The following MLLT10 variants were observed in gnomAD, a reference collection of about 807,000 sequenced individuals.
MLLT10 encodes MLLT10 histone lysine methyltransferase DOT1L cofactor.
In MLLT10, 30 loss-of-function variants were observed where a neutral mutation model predicts 129.1. The observed-to-expected ratio is 0.23, with a 90% CI of 0.17 to 0.32. The LOEUF (loss-of-function observed/expected upper bound fraction) is 0.32. MLLT10 is among the 10% of genes least tolerant of loss of function. MLLT10 has a pLI of 1.00. For synonymous variants in MLLT10, 490 were observed against 446.4 expected, an observed-to-expected ratio of 1.10 and a Z score of -1.23; for missense variants, 1,119 against 1,268.3, an observed-to-expected ratio of 0.88 and a Z score of 1.79.
chr10:21,561,436 T>A (rs1332444969), intron 3 of MLLT10, among the ~76,000 whole-genome samples: 2 of 152,124 alleles, frequency 1.3e-5, no homozygotes, highest in Non-Finnish European at 2.9e-5. Context: ...AATTTTTGTA[T>A]TTTTAGTAGA....
At position 21,642,213 on chromosome 10, in the gene MLLT10, C is replaced by T. The variant is rs535070471; in HGVS notation, c.700-9460C>T. 7.2e-5 allele frequency among the ~76,000 whole-genome samples: 11 copies of T among 151,804 alleles called. No individual in the cohort carries two copies. The East Asian group carries it at 1.9e-3, about 27-fold the overall frequency. On this transcript the variant is annotated intron_variant, in intron 8 of 22. Transcript: ENST00000307729. ...GAAAAATAACAAAAAATTAGCCAGA[C>T]GTGGTGGCGGACGCCTGTAATCCCA...
At chr10:21,689,614 T>C (rs1389893451) in intron 13 of MLLT10, among the ~76,000 whole-genome samples, 62 of 141,116 alleles carry the variant, frequency 4.4e-4, no homozygotes, top group African/African-American at 1.6e-3. Context: ...TATATATATA[T>C]ATATACACAC....
At chr10:21,638,286 A>G (rs914104300) in intron 8 of MLLT10, among the ~76,000 whole-genome samples, 1 of 150,794 alleles carries the variant, frequency 6.6e-6, no homozygotes, top group Non-Finnish European at 1.5e-5. Context: ...GCACTAAGGA[A>G]TATTTTAAAG....
chr10:21,704,982 A>G (rs2055355307), intron 13 of MLLT10, among the ~76,000 whole-genome samples: 1 of 152,068 alleles, frequency 6.6e-6, no homozygotes, highest in African/African-American at 2.4e-5. Flanking sequence ...CCAGGGTGGC[A>G]TATGCTGGTA....
chr10:21,626,148 A>T, intron 8 of MLLT10: 3 of 1,610,294 alleles, frequency 1.9e-6, no homozygotes, highest in Non-Finnish European at 2.5e-6. Context: ...ATAACTCCAC[A>T]TAAAAATGCA....
intron 8 of MLLT10, among the ~76,000 whole-genome samples, chr10:21,641,544 T>C (rs1433834909): frequency 6.6e-6 from 1 of 152,172 alleles, no homozygotes; most frequent in Non-Finnish European, 1.5e-5. Flanking sequence ...TAGTCACAGC[T>C]ACTCCGGAGG....
chr10:21,586,549 A>G (rs1370262734), intron 4 of MLLT10, among the ~76,000 whole-genome samples: 1 of 152,146 alleles, frequency 6.6e-6, no homozygotes, highest in African/African-American at 2.4e-5. Context: ...AGCATTGGGT[A>G]TTTTATGCAG....
intron 3 of MLLT10, among the ~76,000 whole-genome samples, chr10:21,558,948 G>A (rs902991624): frequency 2.0e-5 from 3 of 151,828 alleles, no homozygotes; most frequent in African/African-American, 7.3e-5. Context: ...TTCCTTTTTT[G>A]TTGTTGTTTT....
At position 21,713,857 on chromosome 10, in the gene MLLT10, C is replaced by T; in HGVS notation, c.1785C>T (p.His595=). The T allele has an allele frequency of 8.7e-6, 14 of 1,614,140 alleles. No homozygotes were observed. Among genetic ancestry groups the T allele is most frequent in the Non-Finnish European group, 1.1e-5 (13 of 1,179,996 alleles). The change falls in exon 14 of 23, where the codon CAC becomes CAT. Residue 595 remains histidine, a synonymous_variant. Coordinates refer to ENST00000307729, the MANE Select transcript of MLLT10 (RefSeq NM_001195626.3). ...CTAGTACTCCTGTCTCCAGCTCTCA[C>T]TTACCTCAGCAGTCTTCTGGGCATT... ...SGSSTPVSSS[H]LPQQSSGHLQ... is the part of the protein sequence containing the mutation.
chr10:21,738,187 GA>G (rs779176129), intron 21 of MLLT10, among the ~76,000 whole-genome samples: 1 of 151,968 alleles, frequency 6.6e-6, no homozygotes, highest in Non-Finnish European at 1.5e-5. Flanking sequence ...AGAATCGCTT[GA>G]ACCAGGAGGT....
intron 4 of MLLT10, among the ~76,000 whole-genome samples, chr10:21,592,628 T>A (rs970259623): frequency 1.3e-5 from 2 of 152,142 alleles, no homozygotes; most frequent in African/African-American, 4.8e-5. Flanking sequence ...GGCTAATTTT[T>A]TGTATTTTTA....
intron 4 of MLLT10, among the ~76,000 whole-genome samples, chr10:21,587,544 A>T (rs2042103661): frequency 6.6e-6 from 1 of 151,942 alleles, no homozygotes; most frequent in Non-Finnish European, 1.5e-5. Flanking sequence ...CAGAGAAATC[A>T]TATTTTTCTA....
chr10:21,733,620 A>G (rs377754612), intron 19 of MLLT10, 28 bp downstream of exon 19: 879 of 1,487,278 alleles, frequency 5.9e-4, no homozygotes, highest in Non-Finnish European at 7.6e-4. Flanking sequence ...ATTTTCATCT[A>G]TGTTGATTTA....
At chr10:21,634,064 A>C (rs1201179110) in intron 8 of MLLT10, among the ~76,000 whole-genome samples, 1 of 152,128 alleles carries the variant, frequency 6.6e-6, no homozygotes, top group Non-Finnish European at 1.5e-5. Context: ...ATATGGTGAA[A>C]TCCAATCACT....
At chr10:21,656,135 A>G (rs935707884) in intron 9 of MLLT10, among the ~76,000 whole-genome samples, 1 of 152,052 alleles carries the variant, frequency 6.6e-6, no homozygotes, top group Non-Finnish European at 1.5e-5. Flanking sequence ...CTTCTTCTTG[A>G]TCCTGATGGC....
rs533470637 is a variant in MLLT10 at position 21,647,731 on chromosome 10, A to G, written c.700-3942A>G. ...CGGGGGGATTGCCCAGTCATGTCCA[A>G]TGGCATATGTATTTTCTTATTTATT... On this transcript the variant is annotated intron_variant, in intron 8 of 22. Coordinates refer to ENST00000307729, the MANE Select transcript of MLLT10 (RefSeq NM_001195626.3). Among the ~76,000 whole-genome samples, 8 of 152,006 alleles carry G rather than the reference A, an allele frequency of 5.3e-5. No homozygotes were observed. The South Asian group carries it at 1.7e-3, about 32-fold the overall frequency.
At chr10:21,644,780 A>G (rs2048328948) in intron 8 of MLLT10, among the ~76,000 whole-genome samples, 1 of 151,904 alleles carries the variant, frequency 6.6e-6, no homozygotes, top group African/African-American at 2.4e-5. Context: ...ACAAATTTGC[A>G]CCACCACACC....
intron 13 of MLLT10, chr10:21,688,503 G>A: frequency 6.2e-7 from 1 of 1,612,668 alleles, no homozygotes; most frequent in Non-Finnish European, 8.5e-7. Flanking sequence ...AGAGGTGACA[G>A]TTCTACACTA....
chr10:21,708,187 G>A (rs1317461672), intron 13 of MLLT10, among the ~76,000 whole-genome samples: 1 of 152,174 alleles, frequency 6.6e-6, no homozygotes, highest in Non-Finnish European at 1.5e-5. Context: ...AAGGAAGGAA[G>A]GGAAGAAAAG....
Sources: gnomAD v4.1 joint callset for allele counts (sites outside exome capture counted in the v4.1 genomes callset) on GRCh38, gnomAD v4.1.1 for gene constraint, MANE v1.5 for transcripts, NCBI Gene and HGNC (gene_info 2026-07-23, HGNC 2026-07-21) for gene names.